NCAM2: variants seen among roughly 807,000 people sequenced by gnomAD.
NCAM2 encodes neural cell adhesion molecule 2, also known as N-CAM-2.
In NCAM2, 30 loss-of-function variants were observed where a neutral mutation model predicts 98.1. That is an observed-to-expected ratio of 0.31 (90% CI 0.23 to 0.41). The LOEUF (loss-of-function observed/expected upper bound fraction) is 0.41, where lower values mean the gene tolerates loss of function less well. Ranked by LOEUF, NCAM2 falls within the 10% of genes least tolerant of loss-of-function variation. The probability of loss-of-function intolerance (pLI) is 1.00; values close to 1 mark genes in which losing one functional copy is unlikely to be tolerated. For synonymous variants in NCAM2, 368 were observed against 342.4 expected, an observed-to-expected ratio of 1.07 and a Z score of -0.83; for missense variants, 867 against 1,005.8, an observed-to-expected ratio of 0.86 and a Z score of 1.87.
At chr21:21,314,313 A>C (rs1314166131) in intron 5 of NCAM2, among the ~76,000 whole-genome samples, 1 of 152,074 alleles carries the variant, frequency 6.6e-6, no homozygotes, top group Non-Finnish European at 1.5e-5. Context: ...GAACTTTATA[A>C]ATTTTGTTTC....
intron 1 of NCAM2, among the ~76,000 whole-genome samples, chr21:21,056,081 T>G (rs1240848504): frequency 6.6e-6 from 1 of 152,100 alleles, no homozygotes; most frequent in Non-Finnish European, 1.5e-5. Context: ...CATTTTTTAT[T>G]TGCACTGTAT....
chr21:21,335,896 A>T (rs3819149), intron 7 of NCAM2, among the ~76,000 whole-genome samples: 86,113 of 151,888 alleles, frequency 0.57, 24,612 homozygotes, highest in Admixed American at 0.65. Flanking sequence ...CTGGAAAAAA[A>T]TAATTTAAAT....
intron 11 of NCAM2, among the ~76,000 whole-genome samples, chr21:21,421,082 C>T (rs1027236452): frequency 1.3e-5 from 2 of 151,434 alleles, no homozygotes; most frequent in Admixed American, 6.6e-5. Context: ...ATTGCCATTT[C>T]GTAAATGATG....
intron 9 of NCAM2, among the ~76,000 whole-genome samples, chr21:21,377,498 C>A (rs1410372168): frequency 6.6e-6 from 1 of 151,622 alleles, no homozygotes; most frequent in Non-Finnish European, 1.5e-5. Context: ...TTATAGTTGA[C>A]AAATAAAAAT....
At chr21:21,201,004 T>A (rs1356187913) in intron 1 of NCAM2, among the ~76,000 whole-genome samples, 1 of 152,132 alleles carries the variant, frequency 6.6e-6, no homozygotes, top group Admixed American at 6.5e-5. Context: ...TTTATGATTT[T>A]AATATATATT....
At position 21,231,650 on chromosome 21, in the gene NCAM2, A is replaced by G. The variant is rs1016946163; in HGVS notation, c.56-48928A>G. ...ATCTTGGTTCTAAAACCTTGTAAAAATTTCCATCGGAGTAAATATTATACA... is the reference window on the plus strand; with the variant it reads ...ATCTTGGTTCTAAAACCTTGTAAAAGTTTCCATCGGAGTAAATATTATACA... On this transcript the variant is annotated intron_variant, in intron 1 of 17. Transcript: ENST00000400546. 3.3e-5 allele frequency among the ~76,000 whole-genome samples: 5 copies of G among 151,490 alleles called. No homozygotes were observed. In the South Asian group the frequency reaches 1.0e-3, roughly 31 times the overall value.
chr21:21,466,654 G>A lies in NCAM2; in HGVS notation c.1703G>A (p.Arg568Lys). 6.2e-7 allele frequency: 1 copy of A among 1,609,432 alleles called. No individual in the cohort carries two copies. Among genetic ancestry groups the A allele is most frequent in the Non-Finnish European group, 8.5e-7 (1 of 1,177,326 alleles). Residue 568 changes from arginine to lysine, a missense_variant, in exon 13 of 18, where the codon AGG becomes AAG. Around this residue, in one of 5 missense-constraint regions of NCAM2, gnomAD observed 234 missense variants for 333.8 expected, o/e 0.70. Transcript: ENST00000400546. ...GAACCAAATACAACTTATGAAATCA[G>A]GGTTGCAGCTGTAAATGGAAAGGGA... ...NLEPNTTYEI[R>K]VAAVNGKGQG...
intron 5 of NCAM2, among the ~76,000 whole-genome samples, chr21:21,294,455 A>C (rs961861321): frequency 5.9e-5 from 9 of 151,880 alleles, no homozygotes; most frequent in Non-Finnish European, 1.3e-4. Context: ...GACCCTCCCA[A>C]AAGTAAATTC....
At chr21:21,067,023 T>G (rs1038520795) in intron 1 of NCAM2, among the ~76,000 whole-genome samples, 26 of 151,974 alleles carry the variant, frequency 1.7e-4, no homozygotes, top group Non-Finnish European at 3.8e-4. Flanking sequence ...TGCGTCTGTT[T>G]AAGTAGGTTT....
chr21:21,179,409 A>G (rs914684111), intron 1 of NCAM2, among the ~76,000 whole-genome samples: 2 of 152,090 alleles, frequency 1.3e-5, no homozygotes, highest in East Asian at 1.9e-4. Context: ...TTTTGCCTAG[A>G]TTTCTTTTTT....
chr21:21,237,083 A>G, intron 1 of NCAM2, among the ~76,000 whole-genome samples: 1 of 152,164 alleles, frequency 6.6e-6, no homozygotes, highest in East Asian at 1.9e-4. Flanking sequence ...ATCATTAATT[A>G]CTGATTGATA....
intron 15 of NCAM2, among the ~76,000 whole-genome samples, chr21:21,491,293 A>G (rs1265814138): frequency 1.3e-5 from 2 of 151,838 alleles, no homozygotes; most frequent in Non-Finnish European, 3.0e-5. Context: ...AATAAAACAC[A>G]TGAACATAGT....
intron 5 of NCAM2, among the ~76,000 whole-genome samples, chr21:21,321,611 G>A (rs1025454721): frequency 1.3e-5 from 2 of 151,974 alleles, no homozygotes; most frequent in African/African-American, 4.8e-5. Flanking sequence ...AAAGATAGTG[G>A]TCCAGTTGAA....
chr21:21,136,653 A>T (rs2067060703), intron 1 of NCAM2, among the ~76,000 whole-genome samples: 1 of 143,584 alleles, frequency 7.0e-6, no homozygotes, highest in Non-Finnish European at 1.5e-5. Context: ...TTTTTAGTAG[A>T]GATGGGGTTT....
chr21:21,180,943 T>G (rs2068448725), intron 1 of NCAM2, among the ~76,000 whole-genome samples: 1 of 152,176 alleles, frequency 6.6e-6, no homozygotes, highest in Non-Finnish European at 1.5e-5. Context: ...ATGTAGCACA[T>G]GTATTTTAAA....
At chr21:21,246,547 AGTT>A (rs1311992034) in intron 1 of NCAM2, among the ~76,000 whole-genome samples, 1 of 152,216 alleles carries the variant, frequency 6.6e-6, no homozygotes, top group African/African-American at 2.4e-5. Context: ...ATAAAGTGAT[AGTT>A]GTTATTTTAT....
At chr21:21,257,828 G>A (rs1264178106) in intron 1 of NCAM2, among the ~76,000 whole-genome samples, 2 of 152,202 alleles carry the variant, frequency 1.3e-5, no homozygotes, top group East Asian at 1.9e-4. Context: ...TGATCTGCCC[G>A]CCTCGGGCTT....
chr21:21,226,575 A>G (rs1293049327), intron 1 of NCAM2: 1 of 152,092 alleles, frequency 6.6e-6, no homozygotes, highest in Non-Finnish European at 1.5e-5. Context: ...AGAACTAAAA[A>G]TATATAAAGT....
intron 1 of NCAM2, among the ~76,000 whole-genome samples, chr21:21,162,552 G>A (rs1236740429): frequency 6.6e-6 from 1 of 152,024 alleles, no homozygotes; most frequent in Admixed American, 6.6e-5. Flanking sequence ...AGTATATTTG[G>A]ATCAGCAGAA....
Sources: gnomAD v4.1 joint callset for allele counts (sites outside exome capture counted in the v4.1 genomes callset) on GRCh38, gnomAD v4.1.1 for gene constraint, gnomAD v4.1.1 regional missense constraint, MANE v1.5 for transcripts, NCBI Gene and HGNC (gene_info 2026-07-23, HGNC 2026-07-21) for gene names.